SRRM2: variants seen among roughly 807,000 people sequenced by gnomAD.
The protein encoded by SRRM2 is serine/arginine repetitive matrix protein 2.
SRRM2 carries 30 observed loss-of-function variants against 213.8 expected under a neutral mutation model. That is an observed-to-expected ratio of 0.14 (90% CI 0.10 to 0.19). The LOEUF (loss-of-function observed/expected upper bound fraction) is 0.19, where lower values mean the gene tolerates loss of function less well. SRRM2 is among the 10% of genes least tolerant of loss of function. The pLI is 1.00. For missense variants in SRRM2, 4,904 were observed against 3,647.0 expected, an observed-to-expected ratio of 1.34 and a Z score of -8.88; for synonymous variants, 2,025 against 1,377.7, an observed-to-expected ratio of 1.47 and a Z score of -10.40.
Position 2,759,152 on chromosome 16 carries a change from G to C in SRRM2, c.669G>C (p.Glu223Asp), listed in dbSNP as rs748140896. Residue 223 changes from glutamate to aspartate, a missense_variant, in exon 7 of 15, where the codon GAG becomes GAC. Coordinates refer to ENST00000301740, the MANE Select transcript of SRRM2 (RefSeq NM_016333.4). The stretch of plus-strand genomic sequence containing the variant: ...TTTTTTCCAACAGGTCAGAATCTGA[G>C]TCCAAGAAACGTAAGCATAGGTAAG... ...SKKKKHRSES[E>D]SKKRKHRSPT... The C allele has an allele frequency of 1.9e-6, 3 of 1,614,204 alleles. No individual in the cohort carries two copies. In the East Asian group the frequency reaches 6.7e-5, roughly 36 times the overall value.
At chr16:2,755,795 T>A (rs940936132) in intron 1 of SRRM2, among the ~76,000 whole-genome samples, 1 of 152,190 alleles carries the variant, frequency 6.6e-6, no homozygotes, top group Non-Finnish European at 1.5e-5. Flanking sequence ...TATTTCATAT[T>A]CGTATAGGGT....
chr16:2,760,177 C>G (rs2068288433), intron 9 of SRRM2, 124 bp from the exon 10 acceptor site: 4 of 947,318 alleles, frequency 4.2e-6, no homozygotes, highest in Non-Finnish European at 6.4e-6. Context: ...AGTTGTGCGA[C>G]TAAAGGCTTT....
rs140653692 is a variant in SRRM2 at position 2,765,367 on chromosome 16, G to A, written c.4839G>A (p.Arg1613=). The A allele has an allele frequency of 2.4e-5, 39 of 1,614,026 alleles. No homozygotes were observed. The highest frequency in any genetic ancestry group is 3.1e-5 in the Non-Finnish European group (36 of 1,180,038). The change falls in exon 11 of 15, where the codon AGG becomes AGA. Residue 1613 remains arginine (R), a synonymous_variant. Transcript: ENST00000301740. ...AAGATAAGCCAAGAGCAGCACCCAG[G>A]GCACAGAGTGGTTCTGATTCCTCTC... ...EVKDKPRAAP[R]AQSGSDSSPE...
At position 2,763,266 on chromosome 16, in the gene SRRM2, C is replaced by T. The variant is rs766424357; in HGVS notation, c.2738C>T (p.Ser913Leu). The change falls in exon 11 of 15, where the codon TCA (serine) becomes TTA (leucine). Residue 913 changes from serine to leucine, a missense_variant. Physicochemically the swap from Ser to Leu is moderately radical, Grantham distance 145. Coordinates refer to ENST00000301740, the MANE Select transcript of SRRM2 (RefSeq NM_016333.4). The stretch of plus-strand genomic sequence containing the variant: ...CCCAGACAGAGCCCATCTAGGTCAT[C>T]ATCTCCACAACCCAAAGTGAAGGCA... ...TPPRQSPSRS[S>L]SPQPKVKAII... The T allele has an allele frequency of 1.2e-6, 2 of 1,614,168 alleles. No homozygotes were observed. Among genetic ancestry groups the T allele is most frequent in the East Asian group, 2.2e-5 (1 of 44,884 alleles).
chr16:2,766,626 G>A lies in SRRM2; in HGVS notation c.6098G>A (p.Arg2033Gln), dbSNP rs117133016. 6.4e-5 allele frequency: 103 copies of A among 1,613,454 alleles called. No individual in the cohort carries two copies. The highest frequency in any genetic ancestry group is 8.1e-5 in the Non-Finnish European group (95 of 1,179,912). The change falls in exon 11 of 15, where the codon CGA becomes CAA. Residue 2033 changes from arginine to glutamine, a missense_variant. Coordinates refer to ENST00000301740, the MANE Select transcript of SRRM2 (RefSeq NM_016333.4). The surrounding 1 kb of genome is among the most constrained non-coding windows in gnomAD (Gnocchi z 7.0). ...GCTATTCGGCGCCGCTCTAGATCTC[G>A]AACGCCACTGTTACCACGCAAACGT... The part of the protein sequence containing the change: ...PPAIRRRSRS[R>Q]TPLLPRKRSR...
Position 2,763,603 on chromosome 16 carries a change from A to G in SRRM2, c.3075A>G (p.Leu1025=). The G allele has an allele frequency of 6.2e-7, 1 of 1,614,144 alleles. No homozygotes were observed. The highest frequency in any genetic ancestry group is 8.5e-7 in the Non-Finnish European group (1 of 1,180,032). Residue 1025 remains leucine (L), a synonymous_variant, in exon 11 of 15, where the codon CTA becomes CTG. Transcript: ENST00000301740. ...PCPQEKSKDS[L]VQSCPGSLSL... is the part of the protein sequence containing the mutation. ...CCCAAGAGAAGTCTAAAGACTCACT[A>G]GTTCAAAGTTGCCCTGGATCCCTCT...
chr16:2,766,931 A>T lies in SRRM2; in HGVS notation c.6403A>T (p.Met2135Leu). The change falls in exon 11 of 15, where the codon ATG (methionine) becomes TTG (leucine). Residue 2135 changes from methionine (M) to leucine (L), a missense_variant. Coordinates refer to ENST00000301740, the MANE Select transcript of SRRM2 (RefSeq NM_016333.4). The surrounding 1 kb of genome is among the most constrained non-coding windows in gnomAD (Gnocchi z 7.0). ...TCTTGATCGCTGCAGATCACCTGGAATGCTTGAACCCCTTGGCAGCTCTAG... is the reference window on the plus strand; with the variant it reads ...TCTTGATCGCTGCAGATCACCTGGATTGCTTGAACCCCTTGGCAGCTCTAG... The part of the protein sequence containing the change: ...TPLDRCRSPG[M>L]LEPLGSSRTP... 1 of 1,614,074 alleles carries T rather than the reference A, an allele frequency of 6.2e-7. No individual in the cohort carries two copies. Among genetic ancestry groups the T allele is most frequent in the Non-Finnish European group, 8.5e-7 (1 of 1,180,010 alleles).
intron 1 of SRRM2, among the ~76,000 whole-genome samples, chr16:2,753,258 G>C (rs537135537): frequency 6.4e-4 from 97 of 152,368 alleles, no homozygotes; most frequent in African/African-American, 1.7e-3. Flanking sequence ...CCCGGTTCCA[G>C]ATCTCCTTTC....
rs756259424 is a variant in SRRM2, at chr16:2,768,159, CTT to C, written c.7632_7633del (p.Ser2545PhefsTer16). The C allele has an allele frequency of 9.4e-5, 151 of 1,610,714 alleles. No homozygotes were observed. The highest frequency in any genetic ancestry group is 1.6e-4 in the Middle Eastern group (1 of 6,078). On this transcript the variant is annotated frameshift_variant, in exon 11 of 15. Coordinates refer to ENST00000301740, the MANE Select transcript of SRRM2 (RefSeq NM_016333.4). LOFTEE classifies it high-confidence loss of function. Reference sequence around the variant, plus strand: ...TCGTCGTCGTCCTCTAGCTCCTCCTCTTCTTCATCATCGTCGTCGTCGTCCTC... The same window carrying C: ...TCGTCGTCGTCCTCTAGCTCCTCCTCCTTCATCATCGTCGTCGTCGTCCTC...
In SRRM2 at chr16:2,760,435, G is replaced by T. The variant is rs745927751; in HGVS notation, c.968G>T (p.Ser323Ile). 15 of 1,614,040 alleles carry T rather than the reference G, an allele frequency of 9.3e-6. No homozygotes were observed. Among genetic ancestry groups the T allele is most frequent in the Admixed American group, 6.7e-5 (4 of 60,006 alleles). Reference sequence around the variant, plus strand: ...ACTACCAGCACACAACGGCCTAGTAGCCCGGAGACTGCTACGAAACAGCCT... The same window carrying T: ...ACTACCAGCACACAACGGCCTAGTATCCCGGAGACTGCTACGAAACAGCCT... ...PGTTSTQRPS[S>I]PETATKQPSS... The change falls in exon 10 of 15, where the codon AGC becomes ATC. Residue 323 changes from serine (S) to isoleucine (I), a missense_variant. By Grantham distance (142) the Ser-to-Ile change is moderately radical (BLOSUM62 -2). Coordinates refer to ENST00000301740, the MANE Select transcript of SRRM2 (RefSeq NM_016333.4).
chr16:2,754,087 A>G (rs981340509), intron 1 of SRRM2, among the ~76,000 whole-genome samples: 6 of 152,070 alleles, frequency 3.9e-5, no homozygotes, highest in African/African-American at 4.8e-5. Flanking sequence ...TCCACTGTCT[A>G]TGGCCCCCAC....
chr16:2,757,690 C>A, intron 3 of SRRM2, 91 bp from the exon 4 acceptor site: 3 of 1,583,012 alleles, frequency 1.9e-6, no homozygotes, highest in Non-Finnish European at 2.6e-6. Flanking sequence ...CTGCCTTTCC[C>A]ATGCCTTATT....
At position 2,769,617 on chromosome 16, in the gene SRRM2, T is replaced by A. The variant is rs763314051; in HGVS notation, c.8021+333T>A. 3.5e-5 allele frequency: 21 copies of A among 600,122 alleles called. No individual in the cohort carries two copies. In the Middle Eastern group the frequency reaches 1.0e-3, roughly 29 times the overall value. 37.2% of individuals were successfully genotyped at this position (600,122 alleles called of 1,614,324 possible). A position where few individuals can be genotyped will look rare whatever the true frequency, so the allele number is the denominator to read the frequency against. ...CTGGCCACCATCATCTTCTCCCGAC[T>A]CTGTCCACAGCCTCCTCCCTGTCTC... is the stretch of plus-strand genomic sequence containing the variant. On this transcript the variant is annotated intron_variant, in intron 12 of 14. Coordinates refer to ENST00000301740, the MANE Select transcript of SRRM2 (RefSeq NM_016333.4).
In SRRM2 at chr16:2,770,553, G is replaced by A. The variant is rs371799420; in HGVS notation, c.8136-51G>A. 193 of 1,551,162 alleles carry A rather than the reference G, an allele frequency of 1.2e-4. 1 individual carries two copies. In the African/African-American group the frequency reaches 2.3e-3, roughly 19 times the overall value. On this transcript the variant is annotated intron_variant, in intron 13 of 14. Transcript: ENST00000301740. ...GAAAGCTTTGCGGTTGTGGCTATGT[G>A]GTGCCTGAGGTGGTGCCACCCTGTG...
At chr16:2,758,659 G>A in intron 5 of SRRM2, 112 bp downstream of exon 5, 1 of 1,069,586 alleles carries the variant, frequency 9.3e-7, no homozygotes, top group East Asian at 2.4e-5. Context: ...AGTTGTCAGG[G>A]AGGAGGGAGT....
Position 2,762,752 on chromosome 16 carries a change from A to T in SRRM2, c.2224A>T (p.Arg742Trp). The change falls in exon 11 of 15, where the codon AGG becomes TGG. Residue 742 changes from arginine (R) to tryptophan (W), a missense_variant. Coordinates refer to ENST00000301740, the MANE Select transcript of SRRM2 (RefSeq NM_016333.4). ...NKSRTSQRRSRSNSSPEMKKS... is the reference protein window; with the variant it reads ...NKSRTSQRRSWSNSSPEMKKS... ...ATCCAGAACATCTCAAAGAAGAAGC[A>T]GGTCCAATTCAAGCCCAGAAATGAA... 5.0e-6 allele frequency: 8 copies of T among 1,614,208 alleles called. No homozygotes were observed. Among genetic ancestry groups the T allele is most frequent in the Non-Finnish European group, 6.8e-6 (8 of 1,180,032 alleles).
In SRRM2 at chr16:2,752,698, C is replaced by A. The variant is rs1380937969; in HGVS notation, c.-180C>A. The A allele has an allele frequency of 3.0e-6, 1 of 336,366 alleles. No homozygotes were observed. Among genetic ancestry groups the A allele is most frequent in the South Asian group, 2.0e-5 (1 of 50,304 alleles). 20.8% of individuals were successfully genotyped at this position (336,366 alleles called of 1,614,324 possible). On this transcript the variant is annotated 5_prime_UTR_variant, in exon 1 of 15. Coordinates refer to ENST00000301740, the MANE Select transcript of SRRM2 (RefSeq NM_016333.4). ...GTGGCGCAGTTGGAGCCCGTTGCGG[C>A]CCCTGAGGAAGCGAGGAGGCGTCGG...
intron 12 of SRRM2, chr16:2,770,131 A>G (rs2068689827): frequency 5.6e-6 from 8 of 1,420,682 alleles, no homozygotes; most frequent in African/African-American, 2.9e-5. Flanking sequence ...AAGGGCAGGG[A>G]CTGTCTTTAT....
At chr16:2,760,548 T>G (rs201626443) in intron 10 of SRRM2, 49 bp downstream of exon 10, 1 of 1,598,960 alleles carries the variant, frequency 6.3e-7, no homozygotes, top group African/African-American at 1.3e-5. Context: ...TGTATAGATT[T>G]AGGATAGACA....
Sources: allele counts gnomAD v4.1 joint callset (sites outside exome capture counted in the v4.1 genomes callset), GRCh38; gene constraint gnomAD v4.1.1; non-coding constraint Gnocchi (gnomAD v3.1); transcripts MANE v1.5; gene names NCBI Gene and HGNC (gene_info 2026-07-23, HGNC 2026-07-21).